Variants in SUGCT observed in about 807,000 individuals in gnomAD.
The protein encoded by SUGCT is succinyl-CoA:glutarate-CoA transferase, also known as succinyl-CoA:glutarate CoA-transferase.
SUGCT carries 41 observed loss-of-function variants against 55.0 expected under a neutral mutation model. The observed-to-expected ratio is 0.74, with a 90% CI of 0.58 to 0.97. SUGCT has a LOEUF of 0.97. Among genes scored for constraint, SUGCT ranks in the 50% least tolerant of loss-of-function variants. The probability of loss-of-function intolerance (pLI) is 0.00; values close to 1 mark genes in which losing one functional copy is unlikely to be tolerated. For synonymous variants in SUGCT, 187 were observed against 200.4 expected (o/e 0.93, Z 0.56); for missense variants, 568 against 547.8 (o/e 1.04, Z -0.37).
intron 12 of SUGCT, among the ~76,000 whole-genome samples, chr7:40,725,239 A>C (rs114586841): frequency 6.6e-6 from 1 of 152,228 alleles, no homozygotes; most frequent in Non-Finnish European, 1.5e-5. Flanking sequence ...TCCTAAGCCA[A>C]TTCTCTAGAG....
the SUGCT span, among the ~76,000 whole-genome samples, chr7:41,015,261 A>T: frequency 1.3e-5 from 2 of 152,140 alleles, no homozygotes. Context: ...TTTACTTTTC[A>T]TTGGTTAGTT....
chr7:40,249,327 A>ATCTATATATATATATATATC, intron 7 of SUGCT, among the ~76,000 whole-genome samples: 1 of 117,714 alleles, frequency 8.5e-6, no homozygotes, highest in Non-Finnish European at 1.8e-5. Context: ...ATATATATAT[A>ATCTATATATATATATATATC]TATATATATA....
At chr7:40,823,826 G>T (rs1792157076) in intron 13 of SUGCT, among the ~76,000 whole-genome samples, 1 of 152,116 alleles carries the variant, frequency 6.6e-6, no homozygotes, top group South Asian at 2.1e-4. Context: ...TAAGAGAAGG[G>T]CCTGGCATCA....
At chr7:40,298,625 C>T (rs1794325479) in intron 8 of SUGCT, among the ~76,000 whole-genome samples, 1 of 152,118 alleles carries the variant, frequency 6.6e-6, no homozygotes, top group Non-Finnish European at 1.5e-5. Flanking sequence ...TGTAGGAATC[C>T]ACTTAAGATG....
At chr7:40,683,205 T>G (rs1784327979) in intron 12 of SUGCT, among the ~76,000 whole-genome samples, 1 of 152,206 alleles carries the variant, frequency 6.6e-6, no homozygotes, top group Non-Finnish European at 1.5e-5. Context: ...GAGGCTTTGA[T>G]GTTCTAGTTA....
At chr7:40,625,308 C>T (rs560340765) in intron 12 of SUGCT, among the ~76,000 whole-genome samples, 3 of 152,204 alleles carry the variant, frequency 2.0e-5, no homozygotes, top group South Asian at 2.1e-4. Flanking sequence ...GAGAACTGTT[C>T]GTGAAGATTT....
the SUGCT span, among the ~76,000 whole-genome samples, chr7:40,902,420 A>G: frequency 1.3e-5 from 2 of 151,950 alleles, no homozygotes; most frequent in African/African-American, 4.8e-5. Context: ...TCTACTGAAA[A>G]TACAAAAAAA....
chr7:40,174,275 G>C (rs1463546976), intron 1 of SUGCT, among the ~76,000 whole-genome samples: 3 of 151,900 alleles, frequency 2.0e-5, no homozygotes, highest in Admixed American at 6.6e-5. Flanking sequence ...CTCTCACCTC[G>C]GCCTCCCAGA....
chr7:40,312,623 A>G (rs1365609939), intron 8 of SUGCT, among the ~76,000 whole-genome samples: 2 of 152,210 alleles, frequency 1.3e-5, no homozygotes, highest in Non-Finnish European at 2.9e-5. Flanking sequence ...TAGTACAAGG[A>G]AGACTGTGAA....
chr7:40,933,159 T>A, the SUGCT span, among the ~76,000 whole-genome samples: 2 of 152,186 alleles, frequency 1.3e-5, no homozygotes, highest in Non-Finnish European at 2.9e-5. Context: ...CGTTTGCTTG[T>A]CTGTAAAGGA....
At chr7:40,477,273 T>C (rs1289641039) in intron 11 of SUGCT, among the ~76,000 whole-genome samples, 3 of 152,076 alleles carry the variant, frequency 2.0e-5, no homozygotes, top group Middle Eastern at 3.2e-3. Flanking sequence ...TTAAAGGAAA[T>C]GAATAATTTA....
chr7:40,742,319 A>G (rs923090476), intron 12 of SUGCT, among the ~76,000 whole-genome samples: 2 of 152,202 alleles, frequency 1.3e-5, no homozygotes, highest in African/African-American at 2.4e-5. Context: ...CAGCTTTTAC[A>G]TGTGATCTTC....
chr7:40,143,884 G>A (rs1213304422), intron 1 of SUGCT, among the ~76,000 whole-genome samples: 1 of 152,194 alleles, frequency 6.6e-6, no homozygotes, highest in Non-Finnish European at 1.5e-5. Flanking sequence ...TTAGAAAAGG[G>A]GAAGAAGTTT....
chr7:40,764,918 C>T (rs1788704315), intron 13 of SUGCT, among the ~76,000 whole-genome samples: 1 of 152,106 alleles, frequency 6.6e-6, no homozygotes, highest in Non-Finnish European at 1.5e-5. Context: ...GTGGAGGCTC[C>T]TCTTTCTCTA....
intron 12 of SUGCT, among the ~76,000 whole-genome samples, chr7:40,548,848 A>G (rs1410203878): frequency 2.0e-5 from 3 of 152,128 alleles, no homozygotes; most frequent in East Asian, 3.8e-4. Context: ...ATCCTTTCCT[A>G]TCTTCGGACA....
At chr7:40,299,118 A>C (rs1450528605) in intron 8 of SUGCT, among the ~76,000 whole-genome samples, 1 of 152,040 alleles carries the variant, frequency 6.6e-6, no homozygotes, top group Admixed American at 6.6e-5. Context: ...TTTTTTCCCC[A>C]TGTTATCATC....
intron 13 of SUGCT, among the ~76,000 whole-genome samples, chr7:40,791,433 C>G (rs954979912): frequency 3.7e-5 from 5 of 135,696 alleles, no homozygotes; most frequent in Admixed American, 7.4e-5. Flanking sequence ...TTTCCAGGAA[C>G]TGCTAACGCT....
Position 40,774,452 on chromosome 7 carries a change from G to A in SUGCT, c.1153+24955G>A, listed in dbSNP as rs114669784. On this transcript the variant is annotated intron_variant, in intron 13 of 13. Transcript: ENST00000335693. ...AGATGTTATTAATTAATCTTGAAAA[G>A]TTCCCAGTGTCCCATGAAATTGATC... 3.0e-3 allele frequency among the ~76,000 whole-genome samples: 456 copies of A among 152,250 alleles called. 1 individual carries two copies. Among genetic ancestry groups the A allele is most frequent in the African/African-American group, 0.01 (436 of 41,546 alleles).
At chr7:40,439,061 G>GGTATATATATATGTGTGTGT (rs5883731) in intron 9 of SUGCT, among the ~76,000 whole-genome samples, 1 of 51,898 alleles carries the variant, frequency 1.9e-5, no homozygotes, top group African/African-American at 1.2e-4. Flanking sequence ...GTATATATAT[G>GGTATATATATATGTGTGTGT]GTGTATATAT....
Sources: allele counts gnomAD v4.1 joint callset (sites outside exome capture counted in the v4.1 genomes callset), GRCh38; gene constraint gnomAD v4.1.1; transcripts MANE v1.5; gene names NCBI Gene and HGNC (gene_info 2026-07-23, HGNC 2026-07-21).